The following CLIC4 variants were observed in gnomAD, a reference collection of about 807,000 sequenced individuals.
The protein encoded by CLIC4 is chloride intracellular channel protein 4.
In CLIC4, 13 loss-of-function variants were observed where a neutral mutation model predicts 24.6. The ratio of observed to expected loss-of-function variants is 0.53; its 90% confidence interval spans 0.34 to 0.84. The LOEUF (loss-of-function observed/expected upper bound fraction) is 0.84. CLIC4 is among the 40% of genes least tolerant of loss of function. The pLI is 0.01. For synonymous variants in CLIC4, 104 were observed against 111.3 expected (o/e 0.93, Z 0.41); for missense variants, 227 against 301.7 (o/e 0.75, Z 1.83).
chr1:24,818,322 T>C (rs1403601483), intron 3 of CLIC4, among the ~76,000 whole-genome samples: 5 of 152,198 alleles, frequency 3.3e-5, no homozygotes, highest in African/African-American at 1.2e-4. Flanking sequence ...AGGCTCACTC[T>C]GTCACCCAGG....
rs763027847 is a variant in CLIC4, at chr1:24,839,932, T to C, written c.488T>C (p.Ile163Thr). 1.9e-6 allele frequency: 3 copies of C among 1,613,454 alleles called. No individual in the cohort carries two copies. The highest frequency in any genetic ancestry group is 2.5e-6 in the Non-Finnish European group (3 of 1,179,968). ...EYLNSPLPDE[I>T]DENSMEDIKF... ...CTGAATTCTCCTCTCCCTGATGAAA[T>C]TGATGAAAATAGTATGGAGGACATA... Residue 163 changes from isoleucine (I) to threonine (T), a missense_variant, in exon 5 of 6, where the codon ATT becomes ACT. Transcript: ENST00000374379.
At chr1:24,781,631 A>G (rs956019956) in intron 1 of CLIC4, among the ~76,000 whole-genome samples, 1 of 151,478 alleles carries the variant, frequency 6.6e-6, no homozygotes, top group African/African-American at 2.4e-5. Flanking sequence ...TGGGGAAGTC[A>G]TTCTAGGAAA....
rs1263423697 is a variant in CLIC4 at position 24,768,396 on chromosome 1, G to A, written c.72+22771G>A. 2.0e-5 allele frequency among the ~76,000 whole-genome samples: 3 copies of A among 152,054 alleles called. No homozygotes were observed. In the East Asian group the frequency reaches 5.8e-4, roughly 29 times the overall value. On this transcript the variant is annotated intron_variant, in intron 1 of 5. Coordinates refer to ENST00000374379, the MANE Select transcript of CLIC4 (RefSeq NM_013943.3). ...CTTTCTTTAAAGGAAATGTAGACGT[G>A]CTTATATTTTTAACACATCTACATT...
chr1:24,804,961 A>G (rs1639532063), intron 2 of CLIC4, among the ~76,000 whole-genome samples: 1 of 151,598 alleles, frequency 6.6e-6, no homozygotes, highest in Non-Finnish European at 1.5e-5. Context: ...TTAGTCGGGC[A>G]TGGTGGTGAG....
At chr1:24,790,900 G>A (rs550632563) in intron 1 of CLIC4, among the ~76,000 whole-genome samples, 44 of 152,144 alleles carry the variant, frequency 2.9e-4, no homozygotes, top group Non-Finnish European at 5.3e-4. Context: ...CGGGCGTGGT[G>A]GCTCACACCT....
chr1:24,824,315 C>T (rs1199389499), intron 3 of CLIC4, among the ~76,000 whole-genome samples: 1 of 152,168 alleles, frequency 6.6e-6, no homozygotes, highest in Non-Finnish European at 1.5e-5. Context: ...GTCACCCGGG[C>T]TGAGTGCAGT....
chr1:24,823,447 C>A (rs182716258), intron 3 of CLIC4, among the ~76,000 whole-genome samples: 51 of 152,216 alleles, frequency 3.4e-4, no homozygotes, highest in African/African-American at 9.9e-4. Flanking sequence ...TTTGGAGGGG[C>A]ATGCTATAAA....
intron 1 of CLIC4, among the ~76,000 whole-genome samples, chr1:24,792,631 T>C (rs1314556207): frequency 6.6e-6 from 1 of 152,198 alleles, no homozygotes; most frequent in Non-Finnish European, 1.5e-5. Context: ...TTGTCATTAG[T>C]GGTTAGTAAA....
intron 4 of CLIC4, among the ~76,000 whole-genome samples, chr1:24,831,765 C>G (rs747944844): frequency 6.6e-6 from 1 of 152,040 alleles, no homozygotes; most frequent in African/African-American, 2.4e-5. Flanking sequence ...CAGCCTCCTG[C>G]GTAGCTGGGA....
At chr1:24,839,756 T>G (rs1639922722) in intron 4 of CLIC4, 104 bp from the exon 5 acceptor site, 4 of 993,332 alleles carry the variant, frequency 4.0e-6, no homozygotes, top group Middle Eastern at 3.4e-4. Flanking sequence ...TGTTTCAGAG[T>G]AAACATTTTT....
At chr1:24,826,988 C>A in intron 3 of CLIC4, 22 bp from the exon 4 acceptor site, 1 of 1,498,892 alleles carries the variant, frequency 6.7e-7, no homozygotes, top group Non-Finnish European at 9.2e-7. Flanking sequence ...GATCTATAAT[C>A]CATATCACTT....
At chr1:24,775,691 C>T (rs1639130542) in intron 1 of CLIC4, among the ~76,000 whole-genome samples, 2 of 151,622 alleles carry the variant, frequency 1.3e-5, no homozygotes, top group South Asian at 4.1e-4. Context: ...ATTTCTTTCC[C>T]TACTGAGATT....
At chr1:24,758,882 A>G (rs1290816316) in intron 1 of CLIC4, among the ~76,000 whole-genome samples, 1 of 152,128 alleles carries the variant, frequency 6.6e-6, no homozygotes, top group Non-Finnish European at 1.5e-5. Context: ...TGTTCATGAC[A>G]GAAGACTTGA....
chr1:24,814,250 ATT>A lies in CLIC4; in HGVS notation c.308+32_308+33del, dbSNP rs946613069. Reference sequence around the variant, plus strand: ...TATCAAGGAAAATACGTATGAAAATATTGTCACTTCTTTGAAGCTTGTGTTAT... The same window carrying A: ...TATCAAGGAAAATACGTATGAAAATAGTCACTTCTTTGAAGCTTGTGTTAT... On this transcript the variant is annotated intron_variant, in intron 3 of 5. Coordinates refer to ENST00000374379, the MANE Select transcript of CLIC4 (RefSeq NM_013943.3). 1.9e-6 allele frequency: 3 copies of A among 1,598,244 alleles called. No individual in the cohort carries two copies. The African/African-American group carries it at 4.1e-5, about 22-fold the overall frequency.
intron 1 of CLIC4, among the ~76,000 whole-genome samples, chr1:24,795,634 G>A (rs774482469): frequency 6.6e-6 from 1 of 152,074 alleles, no homozygotes; most frequent in South Asian, 2.1e-4. Flanking sequence ...GCAGTGGCAC[G>A]ATCTCGGCTC....
chr1:24,786,310 ATCT>A (rs1293835080), intron 1 of CLIC4, among the ~76,000 whole-genome samples: 1 of 152,334 alleles, frequency 6.6e-6, no homozygotes, highest in East Asian at 1.9e-4. Flanking sequence ...CAGTTCCTTA[ATCT>A]TGACTTAGTA....
Position 24,762,147 on chromosome 1 carries a change from G to A in CLIC4, c.72+16522G>A, listed in dbSNP as rs531951823. Among the ~76,000 whole-genome samples the A allele has an allele frequency of 2.0e-5, 3 of 152,302 alleles. No individual in the cohort carries two copies. In the Middle Eastern group the frequency reaches 0.01, roughly 518 times the overall value. On this transcript the variant is annotated intron_variant, in intron 1 of 5. Transcript: ENST00000374379. Reference sequence around the variant, plus strand: ...TTTAAAGTGTATGAGGCTGGATGTGGTAGCTCACACCTATAATCCCAGCAC... The same window carrying A: ...TTTAAAGTGTATGAGGCTGGATGTGATAGCTCACACCTATAATCCCAGCAC...
At chr1:24,785,758 A>C (rs1639258476) in intron 1 of CLIC4, among the ~76,000 whole-genome samples, 1 of 146,916 alleles carries the variant, frequency 6.8e-6, no homozygotes, top group African/African-American at 2.5e-5. Flanking sequence ...AGGCTGAGGC[A>C]GGAGAATTGC....
At chr1:24,811,257 G>A (rs1639612010) in intron 2 of CLIC4, among the ~76,000 whole-genome samples, 1 of 152,180 alleles carries the variant, frequency 6.6e-6, no homozygotes, top group Non-Finnish European at 1.5e-5. Flanking sequence ...TCTCGTGTCT[G>A]CTTCTGCATT....
Sources: allele counts gnomAD v4.1 joint callset (sites outside exome capture counted in the v4.1 genomes callset), GRCh38; gene constraint gnomAD v4.1.1; transcripts MANE v1.5; gene names NCBI Gene and HGNC (gene_info 2026-07-23, HGNC 2026-07-21).